Variants in VSTM4 observed in about 807,000 individuals in gnomAD.
VSTM4 encodes V-set and transmembrane domain-containing protein 4.
VSTM4 carries 20 observed loss-of-function variants against 36.4 expected under a neutral mutation model. That is an observed-to-expected ratio of 0.55 (90% CI 0.39 to 0.80). VSTM4 has a LOEUF of 0.80. VSTM4 is among the 30% of genes least tolerant of loss of function. VSTM4 has a pLI of 0.00. For missense variants in VSTM4, 392 were observed against 404.5 expected (o/e 0.97, Z 0.26); for synonymous variants, 182 against 173.9 (o/e 1.05, Z -0.37).
chr10:49,106,225 C>A (rs1357389201), intron 2 of VSTM4, among the ~76,000 whole-genome samples: 1 of 152,138 alleles, frequency 6.6e-6, no homozygotes, highest in Non-Finnish European at 1.5e-5. Context: ...TTTAAAAAGG[C>A]TTGTCAAAAC....
At chr10:49,079,309 C>T (rs1027822771) in intron 3 of VSTM4, among the ~76,000 whole-genome samples, 1 of 150,962 alleles carries the variant, frequency 6.6e-6, no homozygotes, top group African/African-American at 2.4e-5. Context: ...GCTCAGGAGA[C>T]CTTTCCGCCT....
Position 49,107,580 on chromosome 10 carries a change from A to C in VSTM4, c.457+14T>G, listed in dbSNP as rs1043279832. On this transcript the variant is annotated intron_variant, in intron 2 of 7. Coordinates refer to ENST00000332853, the MANE Select transcript of VSTM4 (RefSeq NM_001031746.5). ...CCCACCACCACCTCTACCCAGGGAG[A>C]CCAAGACCCTCACCTCTCATTTCCG... is the stretch of plus-strand genomic sequence containing the variant. 6.9e-6 allele frequency: 11 copies of C among 1,591,738 alleles called. 1 individual carries two copies. Among genetic ancestry groups the C allele is most frequent in the Admixed American group, 5.1e-5 (3 of 59,002 alleles).
At chr10:49,079,205 T>C (rs540293950) in intron 3 of VSTM4, among the ~76,000 whole-genome samples, 2 of 152,104 alleles carry the variant, frequency 1.3e-5, no homozygotes, top group African/African-American at 4.8e-5. Flanking sequence ...CATGTTCATG[T>C]ACATACATCT....
At chr10:49,102,689 T>C (rs1158778868) in intron 2 of VSTM4, 1 of 985,328 alleles carries the variant, frequency 1.0e-6, no homozygotes. Flanking sequence ...CCAGAGAGGG[T>C]GACTACATCC....
chr10:49,068,609 G>C lies in VSTM4; in HGVS notation c.635-3873C>G, dbSNP rs138074509. Among the ~76,000 whole-genome samples the C allele has an allele frequency of 2.0e-5, 3 of 152,302 alleles. No homozygotes were observed. The East Asian group carries it at 5.8e-4, about 29-fold the overall frequency. ...GAGGTTTACAGGCACCTGAGAAATA[G>C]ACTTCACTGAGAGTCACCCTTAAAT... is the stretch of plus-strand genomic sequence containing the variant. On this transcript the variant is annotated intron_variant, in intron 4 of 7. Coordinates refer to ENST00000332853, the MANE Select transcript of VSTM4 (RefSeq NM_001031746.5).
chr10:49,073,219 C>T (rs1485655871), intron 4 of VSTM4, among the ~76,000 whole-genome samples: 1 of 152,202 alleles, frequency 6.6e-6, no homozygotes, highest in Non-Finnish European at 1.5e-5. Context: ...GCTTCTGGAA[C>T]ACCACCTGAG....
rs552771190 is a variant in VSTM4, at chr10:49,015,226, A to T, written c.*4424T>A. On this transcript the variant is annotated 3_prime_UTR_variant, in exon 8 of 8. Transcript: ENST00000332853. ...AAGCTCCGCCTCCCGGGTTCATGCC[A>T]TTCTCCTGCCTCAGCCTCCCGAGTA... The T allele has an allele frequency of 6.8e-6, 1 of 146,636 alleles. No homozygotes were observed. Among genetic ancestry groups the T allele is most frequent in the African/African-American group, 2.5e-5 (1 of 39,238 alleles). The allele number at this position is 146,636 out of a possible 1,614,324, so 9.1% of individuals were successfully genotyped here.
chr10:49,050,521 A>G (rs1170360409), intron 5 of VSTM4, among the ~76,000 whole-genome samples: 2 of 152,240 alleles, frequency 1.3e-5, no homozygotes, highest in Non-Finnish European at 2.9e-5. Context: ...AGATTCCCCA[A>G]AGATGCCTTA....
At chr10:49,079,908 T>C (rs1412581758) in intron 3 of VSTM4, among the ~76,000 whole-genome samples, 1 of 148,972 alleles carries the variant, frequency 6.7e-6, no homozygotes, top group Admixed American at 6.9e-5. Context: ...TAAATTGAGA[T>C]CATATACTTT....
intron 7 of VSTM4, among the ~76,000 whole-genome samples, 165 bp from the exon 8 acceptor site, chr10:49,019,940 T>C (rs1380020512): frequency 2.0e-5 from 3 of 152,170 alleles, no homozygotes; most frequent in African/African-American, 7.2e-5. Context: ...ACATAATTAA[T>C]AAGATAGATC....
intron 5 of VSTM4, among the ~76,000 whole-genome samples, chr10:49,056,134 C>T (rs1430042204): frequency 6.6e-6 from 1 of 152,276 alleles, no homozygotes; most frequent in Non-Finnish European, 1.5e-5. Flanking sequence ...ACAGTGCCCC[C>T]ATGACCTTTA....
chr10:49,041,117 C>T (rs1051063940), intron 7 of VSTM4, among the ~76,000 whole-genome samples: 8 of 152,152 alleles, frequency 5.3e-5, no homozygotes, highest in Admixed American at 1.3e-4. Flanking sequence ...AGATAAATAT[C>T]GACCAAACTG....
chr10:49,064,133 T>G (rs1194002120), intron 5 of VSTM4: 1 of 152,352 alleles, frequency 6.6e-6, no homozygotes, highest in Non-Finnish European at 1.5e-5. Flanking sequence ...TTTCACCACC[T>G]TTCAAAGTCT....
At chr10:49,055,478 C>T (rs1843763947) in intron 5 of VSTM4, among the ~76,000 whole-genome samples, 1 of 152,182 alleles carries the variant, frequency 6.6e-6, no homozygotes, top group African/African-American at 2.4e-5. Context: ...CATTGGTCTC[C>T]ACAACTATGG....
rs1332480757 is a variant in VSTM4 at position 49,018,087 on chromosome 10, C to T, written c.*1563G>A. The T allele has an allele frequency of 1.3e-5, 2 of 152,238 alleles. No homozygotes were observed. Among genetic ancestry groups the T allele is most frequent in the Admixed American group, 6.5e-5 (1 of 15,290 alleles). 9.4% of individuals were successfully genotyped at this position (152,238 alleles called of 1,614,324 possible). ...CTCCCAGAAAATCAATATCTGCTTC[C>T]AATTTGGACCCTTTCCAATAAACCA... On this transcript the variant is annotated 3_prime_UTR_variant, in exon 8 of 8. Transcript: ENST00000332853.
intron 3 of VSTM4, among the ~76,000 whole-genome samples, chr10:49,079,360 T>A (rs1383957743): frequency 6.6e-6 from 1 of 152,182 alleles, no homozygotes; most frequent in Non-Finnish European, 1.5e-5. Flanking sequence ...TGAGACTCAG[T>A]GCCCAGCTAC....
intron 5 of VSTM4, among the ~76,000 whole-genome samples, chr10:49,056,072 T>C (rs563916089): frequency 3.9e-5 from 6 of 152,228 alleles, no homozygotes; most frequent in Non-Finnish European, 8.8e-5. Context: ...TGCACAGCAT[T>C]AGAATAAATG....
chr10:49,110,187 T>A (rs1237908950), intron 1 of VSTM4, among the ~76,000 whole-genome samples: 1 of 151,978 alleles, frequency 6.6e-6, no homozygotes, highest in East Asian at 1.9e-4. Flanking sequence ...ACAAGATGGG[T>A]GGGATGAGAG....
At chr10:49,085,569 T>C (rs773165593) in intron 3 of VSTM4, among the ~76,000 whole-genome samples, 23 of 152,230 alleles carry the variant, frequency 1.5e-4, no homozygotes, top group Non-Finnish European at 2.9e-5. Flanking sequence ...TTATGTGGAC[T>C]GGTGCTTTAA....
Sources: gnomAD v4.1 joint callset for allele counts (sites outside exome capture counted in the v4.1 genomes callset) on GRCh38, gnomAD v4.1.1 for gene constraint, MANE v1.5 for transcripts, NCBI Gene and HGNC (gene_info 2026-07-23, HGNC 2026-07-21) for gene names.